Variants in VTI1A observed in about 807,000 individuals in gnomAD.
VTI1A encodes vesicle transport through interaction with t-SNAREs homolog 1A.
A neutral mutation model predicts 34.9 loss-of-function variants in VTI1A; 22 were observed. The ratio of observed to expected loss-of-function variants is 0.63; its 90% confidence interval spans 0.45 to 0.90. The LOEUF (loss-of-function observed/expected upper bound fraction) is 0.90. Among genes scored for constraint, VTI1A ranks in the 40% least tolerant of loss-of-function variants. VTI1A has a pLI of 0.00. For synonymous variants in VTI1A, 87 were observed against 97.3 expected, an observed-to-expected ratio of 0.89 and a Z score of 0.62; for missense variants, 268 against 275.6, an observed-to-expected ratio of 0.97 and a Z score of 0.20.
At chr10:112,636,592 G>A (rs966471614) in intron 5 of VTI1A, among the ~76,000 whole-genome samples, 1 of 152,038 alleles carries the variant, frequency 6.6e-6, no homozygotes, top group African/African-American at 2.4e-5. Context: ...AGCTGGATGT[G>A]GTGGTGCGCA....
chr10:112,585,981 G>A (rs1018854474), intron 5 of VTI1A, among the ~76,000 whole-genome samples: 3 of 152,210 alleles, frequency 2.0e-5, no homozygotes, highest in East Asian at 1.9e-4. Flanking sequence ...TTTGTATACA[G>A]TGTATAAATG....
intron 1 of VTI1A, among the ~76,000 whole-genome samples, chr10:112,450,884 T>C (rs1478732526): frequency 1.3e-5 from 2 of 152,212 alleles, no homozygotes; most frequent in African/African-American, 2.4e-5. Context: ...GTTAGTACTT[T>C]ATTGTGAAGT....
chr10:112,600,366 C>T (rs1439106631), intron 5 of VTI1A, among the ~76,000 whole-genome samples: 1 of 152,162 alleles, frequency 6.6e-6, no homozygotes, highest in Non-Finnish European at 1.5e-5. Context: ...CATAAAATCT[C>T]GTCTTTAACG....
At position 112,706,682 on chromosome 10, in the gene VTI1A, ACT is replaced by A. The variant is rs1214239515; in HGVS notation, c.560+37687_560+37688del. Among the ~76,000 whole-genome samples the A allele has an allele frequency of 2.6e-5, 4 of 152,170 alleles. No individual in the cohort carries two copies. In the East Asian group the frequency reaches 7.7e-4, roughly 29 times the overall value. On this transcript the variant is annotated intron_variant, in intron 7 of 7. Coordinates refer to ENST00000393077, the MANE Select transcript of VTI1A (RefSeq NM_145206.4). ...CTCCATAGCACATGTGGCCTTTCCC[ACT>A]CTGAACCATAACTGCTTTCGACTTA...
intron 2 of VTI1A, among the ~76,000 whole-genome samples, chr10:112,461,460 AG>A (rs1847725215): frequency 2.0e-5 from 3 of 152,182 alleles, no homozygotes; most frequent in African/African-American, 7.2e-5. Flanking sequence ...GTGGATGGGG[AG>A]ACTGAGACTT....
intron 7 of VTI1A, among the ~76,000 whole-genome samples, chr10:112,750,221 C>T (rs1173171352): frequency 1.7e-4 from 26 of 151,880 alleles, no homozygotes; most frequent in Non-Finnish European, 1.5e-5. Flanking sequence ...TAGGGTCTCA[C>T]TCTGTTGCCT....
intron 7 of VTI1A, among the ~76,000 whole-genome samples, chr10:112,787,600 GA>G (rs1852326515): frequency 6.7e-6 from 1 of 149,272 alleles, no homozygotes; most frequent in Admixed American, 6.6e-5. Context: ...TTTTTGTTGT[GA>G]TTTTTTTCTT....
At chr10:112,558,939 T>A (rs1324169948) in intron 5 of VTI1A, among the ~76,000 whole-genome samples, 1 of 152,194 alleles carries the variant, frequency 6.6e-6, no homozygotes, top group African/African-American at 2.4e-5. Context: ...GAGAACATTG[T>A]GGTTGCAGCT....
At chr10:112,488,980 G>A (rs1353015688) in intron 3 of VTI1A, among the ~76,000 whole-genome samples, 6 of 151,974 alleles carry the variant, frequency 3.9e-5, no homozygotes, top group East Asian at 1.9e-4. Flanking sequence ...CTCTTAGCTC[G>A]CAGTTTCCTC....
intron 5 of VTI1A, among the ~76,000 whole-genome samples, chr10:112,596,083 T>A (rs368725842): frequency 0.08 from 11,851 of 147,244 alleles, 544 homozygotes; most frequent in Non-Finnish European, 0.094. Context: ...AACACTGCAT[T>A]TTCTCACTCA....
chr10:112,651,306 A>G (rs1188025292), intron 5 of VTI1A, among the ~76,000 whole-genome samples: 1 of 152,118 alleles, frequency 6.6e-6, no homozygotes, highest in East Asian at 1.9e-4. Flanking sequence ...CTCTTAGTGG[A>G]ATAGCCCCTC....
chr10:112,557,772 T>C (rs1851587171), intron 5 of VTI1A, among the ~76,000 whole-genome samples: 1 of 152,164 alleles, frequency 6.6e-6, no homozygotes, highest in African/African-American at 2.4e-5. Context: ...TAACTGCATA[T>C]GAAAGGTGGG....
At chr10:112,845,041 C>T in the VTI1A span, among the ~76,000 whole-genome samples, 1 of 152,154 alleles carries the variant, frequency 6.6e-6, no homozygotes, top group Non-Finnish European at 1.5e-5. Flanking sequence ...GGACTATGAC[C>T]GTGTCAGCCG....
chr10:112,781,624 T>A (rs1419735302), intron 7 of VTI1A, among the ~76,000 whole-genome samples: 1 of 151,850 alleles, frequency 6.6e-6, no homozygotes, highest in Non-Finnish European at 1.5e-5. Context: ...GTGGATCACT[T>A]GAGGTCAGGA....
At chr10:112,763,995 G>A (rs1564916466) in intron 7 of VTI1A, among the ~76,000 whole-genome samples, 1 of 152,170 alleles carries the variant, frequency 6.6e-6, no homozygotes. Context: ...GTTTCAGGGA[G>A]AGAAAAAGAG....
chr10:112,732,543 G>C (rs1008743940), intron 7 of VTI1A, among the ~76,000 whole-genome samples: 1 of 152,132 alleles, frequency 6.6e-6, no homozygotes, highest in African/African-American at 2.4e-5. Flanking sequence ...AGACAAGCCC[G>C]GTCGTTTCTT....
chr10:112,566,733 C>G (rs1026344331), intron 5 of VTI1A, among the ~76,000 whole-genome samples: 1 of 152,104 alleles, frequency 6.6e-6, no homozygotes, highest in Non-Finnish European at 1.5e-5. Context: ...TGGGACTCTG[C>G]TTGGATTTCC....
chr10:112,839,134 G>A, the VTI1A span, among the ~76,000 whole-genome samples: 2 of 152,230 alleles, frequency 1.3e-5, no homozygotes, highest in Admixed American at 1.3e-4. Flanking sequence ...AGCAGGAAGA[G>A]CAGACACTGG....
chr10:112,737,323 C>T, intron 7 of VTI1A: 1 of 1,021,958 alleles, frequency 9.8e-7, no homozygotes, highest in Non-Finnish European at 1.2e-6. Context: ...ACCTTGTGAG[C>T]CACCGTGCCC....
Sources: allele counts gnomAD v4.1 joint callset (sites outside exome capture counted in the v4.1 genomes callset), GRCh38; gene constraint gnomAD v4.1.1; transcripts MANE v1.5; gene names NCBI Gene and HGNC (gene_info 2026-07-23, HGNC 2026-07-21).